The following BABAM2 variants were observed in gnomAD, a reference collection of about 807,000 sequenced individuals.
BABAM2 encodes the protein BRISC and BRCA1 A complex member 2.
A neutral mutation model predicts 54.7 loss-of-function variants in BABAM2; 31 were observed. The ratio of observed to expected loss-of-function variants is 0.57; its 90% CI spans 0.43 to 0.77. The LOEUF (loss-of-function observed/expected upper bound fraction) is 0.77. Ranked by LOEUF, BABAM2 falls within the 30% of genes least tolerant of loss-of-function variation. BABAM2 has a pLI of 0.00. For missense variants in BABAM2, 364 were observed against 455.8 expected (o/e 0.80, Z 1.83); for synonymous variants, 167 against 162.9 (o/e 1.03, Z -0.19).
chr2:27,890,359 T>C, upstream of BABAM2: 3 of 1,611,814 alleles, frequency 1.9e-6, no homozygotes, highest in Non-Finnish European at 2.5e-6. This position sits in a 1 kb window ranked among gnomAD's most constrained non-coding sequence, Gnocchi z 4.8. Context: ...TCAAAGGTGC[T>C]GCTGTCCAAC....
At chr2:28,020,376 TTA>T (rs1465050344) in intron 4 of BABAM2, among the ~76,000 whole-genome samples, 1 of 152,240 alleles carries the variant, frequency 6.6e-6, no homozygotes, top group African/African-American at 2.4e-5. Context: ...TGTGCATGTC[TTA>T]TATATGCATA....
chr2:27,997,446 T>A (rs1359962729), intron 4 of BABAM2, among the ~76,000 whole-genome samples: 3 of 152,196 alleles, frequency 2.0e-5, no homozygotes, highest in African/African-American at 7.2e-5. Context: ...TGTTATTTTT[T>A]AAAAAATATA....
intron 3 of BABAM2, among the ~76,000 whole-genome samples, chr2:27,947,819 A>G (rs1279219408): frequency 2.0e-5 from 3 of 152,326 alleles, no homozygotes; most frequent in Non-Finnish European, 2.9e-5. Flanking sequence ...GGACATCCAC[A>G]TATTCTAGTA....
intron 5 of BABAM2, among the ~76,000 whole-genome samples, chr2:28,029,154 A>G (rs1240165973): frequency 6.6e-6 from 1 of 152,304 alleles, no homozygotes; most frequent in Admixed American, 6.5e-5. Flanking sequence ...TTTTCTTATT[A>G]CAAATCAAGT....
At chr2:28,318,940 C>G (rs1689795760) in intron 11 of BABAM2, among the ~76,000 whole-genome samples, 1 of 152,218 alleles carries the variant, frequency 6.6e-6, no homozygotes, top group East Asian at 1.9e-4. Flanking sequence ...AACTCCACCT[C>G]ACCCCTGGGC....
At chr2:27,929,628 T>C (rs900547336) in intron 2 of BABAM2, among the ~76,000 whole-genome samples, 1 of 152,234 alleles carries the variant, frequency 6.6e-6, no homozygotes, top group Non-Finnish European at 1.5e-5. Flanking sequence ...AGTTTTATTG[T>C]GAAATAAATG....
chr2:28,333,941 AG>A (rs1691185819), intron 11 of BABAM2, among the ~76,000 whole-genome samples: 1 of 152,256 alleles, frequency 6.6e-6, no homozygotes, highest in Non-Finnish European at 1.5e-5. Flanking sequence ...TCTGATAAAA[AG>A]TGAAATAAAT....
intron 6 of BABAM2, among the ~76,000 whole-genome samples, chr2:28,072,584 A>T (rs1469444016): frequency 6.6e-6 from 1 of 151,996 alleles, no homozygotes; most frequent in Non-Finnish European, 1.5e-5. Context: ...ACGGGGTTTC[A>T]CTGTGTTAGC....
At chr2:27,944,460 T>G (rs954833523) in intron 3 of BABAM2, among the ~76,000 whole-genome samples, 3 of 152,214 alleles carry the variant, frequency 2.0e-5, no homozygotes, top group Non-Finnish European at 4.4e-5. Flanking sequence ...CTGTTTAGAA[T>G]TTTATATAAA....
At chr2:28,181,784 A>AT (rs538738175) in intron 7 of BABAM2, among the ~76,000 whole-genome samples, 61 of 142,536 alleles carry the variant, frequency 4.3e-4, no homozygotes, top group African/African-American at 1.1e-3. Context: ...CACCAATAAA[A>AT]TTTTTTTTTT....
chr2:28,160,088 C>T (rs899237861), intron 7 of BABAM2, among the ~76,000 whole-genome samples: 1 of 152,058 alleles, frequency 6.6e-6, no homozygotes, highest in African/African-American at 2.4e-5. Context: ...CTCAAGTGAT[C>T]CTCCTCCATG....
intron 3 of BABAM2, among the ~76,000 whole-genome samples, chr2:27,941,745 A>G (rs1018829530): frequency 1.3e-5 from 2 of 152,184 alleles, no homozygotes; most frequent in Admixed American, 6.5e-5. Context: ...ATTATCTTCT[A>G]TGTCCTCAGA....
At chr2:28,144,173 C>T (rs1573674773) in intron 7 of BABAM2, among the ~76,000 whole-genome samples, 1 of 152,154 alleles carries the variant, frequency 6.6e-6, no homozygotes, top group Non-Finnish European at 1.5e-5. Context: ...AGCATAGTGC[C>T]AGGCACATTG....
chr2:28,203,245 C>A (rs1362198409), intron 7 of BABAM2, among the ~76,000 whole-genome samples: 2 of 152,328 alleles, frequency 1.3e-5, no homozygotes, highest in Non-Finnish European at 2.9e-5. Flanking sequence ...AAAGGACTCA[C>A]TTTACTGCTG....
intron 7 of BABAM2, among the ~76,000 whole-genome samples, chr2:28,189,964 GATA>G (rs1227109134): frequency 6.6e-6 from 1 of 152,150 alleles, no homozygotes; most frequent in African/African-American, 2.4e-5. Flanking sequence ...AACTGAATTT[GATA>G]ATGAGTCCAG....
At chr2:28,204,196 C>A (rs1678580382) in intron 7 of BABAM2, among the ~76,000 whole-genome samples, 1 of 152,092 alleles carries the variant, frequency 6.6e-6, no homozygotes, top group African/African-American at 2.4e-5. Flanking sequence ...CTATAAGTTA[C>A]CAGTCTGTTC....
chr2:27,937,743 C>T (rs1247140718), intron 3 of BABAM2, among the ~76,000 whole-genome samples: 1 of 152,040 alleles, frequency 6.6e-6, no homozygotes, highest in African/African-American at 2.4e-5. Flanking sequence ...CAAATATTTT[C>T]TCCCATTCTG....
At chr2:28,161,297 G>A (rs1389206474) in intron 7 of BABAM2, among the ~76,000 whole-genome samples, 1 of 152,098 alleles carries the variant, frequency 6.6e-6, no homozygotes, top group East Asian at 1.9e-4. Context: ...GTCTCCTAGG[G>A]TTCCTGGGGG....
intron 3 of BABAM2, among the ~76,000 whole-genome samples, 179 bp from the exon 4 acceptor site, chr2:27,987,814 C>CA (rs201176376): frequency 0.05 from 3,124 of 61,864 alleles, 47 homozygotes; most frequent in Middle Eastern, 0.19. Flanking sequence ...GACCCTGTCT[C>CA]AAAAAAAAAA....
Sources: allele counts gnomAD v4.1 joint callset (sites outside exome capture counted in the v4.1 genomes callset), GRCh38; gene constraint gnomAD v4.1.1; non-coding constraint Gnocchi (gnomAD v3.1); transcripts MANE v1.5; gene names NCBI Gene and HGNC (gene_info 2026-07-23, HGNC 2026-07-21).